The following PDE10A variants were observed in gnomAD, a reference collection of about 807,000 sequenced individuals.
PDE10A encodes cAMP and cAMP-inhibited cGMP 3',5'-cyclic phosphodiesterase 10A.
Under a neutral mutation model 97.7 loss-of-function variants are expected in PDE10A, and 39 were observed. That is an observed-to-expected ratio of 0.40 (90% CI 0.31 to 0.52). The LOEUF (loss-of-function observed/expected upper bound fraction) is 0.52. Ranked by LOEUF, PDE10A falls within the 20% of genes least tolerant of loss-of-function variation. The pLI, the probability that PDE10A is intolerant of heterozygous loss-of-function variation, is 0.56. For synonymous variants in PDE10A, 371 were observed against 376.8 expected (o/e 0.98, Z 0.18); for missense variants, 731 against 1,047.8 (o/e 0.70, Z 4.17).
At chr6:165,769,617 T>C (rs1321853648) in intron 1 of PDE10A, among the ~76,000 whole-genome samples, 2 of 152,170 alleles carry the variant, frequency 1.3e-5, no homozygotes, top group African/African-American at 4.8e-5. Context: ...TTGCTAATAG[T>C]TTTTTTCTAC....
chr6:165,414,069 T>C (rs1375864671), intron 12 of PDE10A, among the ~76,000 whole-genome samples: 1 of 152,204 alleles, frequency 6.6e-6, no homozygotes, highest in Non-Finnish European at 1.5e-5. Flanking sequence ...ATCGTGTTTA[T>C]GAGAGATATA....
At chr6:165,882,586 C>A (rs753207120) in intron 1 of PDE10A, among the ~76,000 whole-genome samples, 4 of 152,136 alleles carry the variant, frequency 2.6e-5, no homozygotes, top group Non-Finnish European at 5.9e-5. Context: ...GTAGACTCAA[C>A]GGTGTTTTGC....
intron 3 of PDE10A, among the ~76,000 whole-genome samples, chr6:165,452,360 G>A (rs1341951112): frequency 6.6e-6 from 1 of 152,232 alleles, no homozygotes; most frequent in Non-Finnish European, 1.5e-5. Context: ...AACTGCTATG[G>A]TTTGAACATT....
At chr6:165,566,372 A>G (rs1033627139) in intron 1 of PDE10A, among the ~76,000 whole-genome samples, 1 of 152,224 alleles carries the variant, frequency 6.6e-6, no homozygotes, top group Non-Finnish European at 1.5e-5. Flanking sequence ...ACAGTGAGAT[A>G]CCATTACATA....
chr6:165,668,392 C>T (rs908686707), intron 1 of PDE10A, among the ~76,000 whole-genome samples: 1 of 152,224 alleles, frequency 6.6e-6, no homozygotes, highest in African/African-American at 2.4e-5. Flanking sequence ...TCAGTGCCTA[C>T]ACGAATTACT....
At chr6:165,651,813 T>C (rs1043439617) in intron 1 of PDE10A, among the ~76,000 whole-genome samples, 6 of 152,242 alleles carry the variant, frequency 3.9e-5, no homozygotes, top group Non-Finnish European at 7.3e-5. Flanking sequence ...ATTTGGAATC[T>C]ATCCTGGAGG....
At chr6:165,539,181 G>A (rs1783274516) in intron 2 of PDE10A, among the ~76,000 whole-genome samples, 1 of 152,042 alleles carries the variant, frequency 6.6e-6, no homozygotes, top group South Asian at 2.1e-4. Context: ...AAAAAATGGT[G>A]GTTTGGAATT....
intron 1 of PDE10A, among the ~76,000 whole-genome samples, chr6:165,880,962 A>G (rs888977188): frequency 6.6e-6 from 1 of 152,164 alleles, no homozygotes; most frequent in Non-Finnish European, 1.5e-5. Context: ...TCATTTTGTC[A>G]TTTCATAAGA....
chr6:165,823,818 C>T (rs1287010492), intron 1 of PDE10A, among the ~76,000 whole-genome samples: 2 of 151,914 alleles, frequency 1.3e-5, no homozygotes, highest in African/African-American at 4.8e-5. Context: ...TTTTCCAGCT[C>T]CATAATCATC....
rs1365597774 is a variant in PDE10A at position 165,884,474 on chromosome 6, A to G, written c.-615+103055T>C. Among the ~76,000 whole-genome samples, 4 of 152,130 alleles carry G rather than the reference A, an allele frequency of 2.6e-5. No individual in the cohort carries two copies. The East Asian group carries it at 7.7e-4, about 29-fold the overall frequency. ...TCAGTGACTCACCCAAAGTCCCAGA[A>G]CCCTCGAGTGGCAGAGTTGAAATCA... On this transcript the variant is annotated intron_variant, in intron 1 of 19. Coordinates refer to the PDE10A transcript ENST00000366882.
chr6:165,425,107 A>G (rs1260139199), intron 10 of PDE10A, among the ~76,000 whole-genome samples: 1 of 152,212 alleles, frequency 6.6e-6, no homozygotes, highest in Non-Finnish European at 1.5e-5. Flanking sequence ...CTGGAAAAGA[A>G]GAACCACTAG....
At chr6:165,552,354 T>A (rs945574399) in intron 1 of PDE10A, among the ~76,000 whole-genome samples, 1 of 152,200 alleles carries the variant, frequency 6.6e-6, no homozygotes, top group African/African-American at 2.4e-5. Flanking sequence ...AGCCCTTGGC[T>A]GGCATCAAGG....
At chr6:165,793,222 A>T (rs1778704674) in intron 1 of PDE10A, among the ~76,000 whole-genome samples, 1 of 152,102 alleles carries the variant, frequency 6.6e-6, no homozygotes, top group African/African-American at 2.4e-5. Flanking sequence ...CCAAACTACC[A>T]CAAGCCTTCT....
chr6:165,658,950 A>G (rs2128429886), intron 1 of PDE10A, among the ~76,000 whole-genome samples: 1 of 152,262 alleles, frequency 6.6e-6, no homozygotes, highest in East Asian at 1.9e-4. Context: ...CTATTACTGG[A>G]TGGCAGAGTG....
intron 1 of PDE10A, among the ~76,000 whole-genome samples, chr6:165,602,507 C>G (rs773875814): frequency 1.3e-5 from 2 of 152,136 alleles, no homozygotes; most frequent in African/African-American, 2.4e-5. Context: ...GGAGAATAGG[C>G]AGATATACCA....
At chr6:165,390,891 A>T (rs535692828) in intron 16 of PDE10A, among the ~76,000 whole-genome samples, 5 of 152,306 alleles carry the variant, frequency 3.3e-5, no homozygotes, top group African/African-American at 1.2e-4. Context: ...CTCGCCTGGC[A>T]TTCTTAAGAT....
At chr6:165,859,641 T>G (rs1780844635) in intron 1 of PDE10A, among the ~76,000 whole-genome samples, 1 of 152,208 alleles carries the variant, frequency 6.6e-6, no homozygotes, top group Non-Finnish European at 1.5e-5. Context: ...CCAAATCCAA[T>G]CCTTTTGGAT....
Position 165,431,517 on chromosome 6 carries a change from C to T in PDE10A, c.1492-45G>A, listed in dbSNP as rs201668375. On this transcript the variant is annotated intron_variant, in intron 7 of 21. Coordinates refer to ENST00000539869, the MANE Select transcript of PDE10A (RefSeq NM_001385079.1). ...CATACCTATAAGTAATAATACATAA[C>T]GTATATATATATACTATATATAATA... The T allele has an allele frequency of 1.9e-4, 175 of 936,404 alleles. 2 individuals carry two copies. Among genetic ancestry groups the T allele is most frequent in the Middle Eastern group, 2.3e-4 (1 of 4,392 alleles). The allele number at this position is 936,404 out of a possible 1,614,324, so 58.0% of individuals were successfully genotyped here.
At chr6:165,674,303 G>A (rs1440988664) in intron 1 of PDE10A, among the ~76,000 whole-genome samples, 1 of 151,374 alleles carries the variant, frequency 6.6e-6, no homozygotes, top group Non-Finnish European at 1.5e-5. Flanking sequence ...GTGGTCCCTG[G>A]CGTGCAGCAG....
Sources: allele counts gnomAD v4.1 joint callset (sites outside exome capture counted in the v4.1 genomes callset), GRCh38; gene constraint gnomAD v4.1.1; transcripts MANE v1.5; gene names NCBI Gene and HGNC (gene_info 2026-07-23, HGNC 2026-07-21).